PCNX1: variants seen among roughly 807,000 people sequenced by gnomAD.
PCNX1 encodes the protein pecanex 1.
A neutral mutation model predicts 242.2 loss-of-function variants in PCNX1; 78 were observed. The observed-to-expected ratio is 0.32, with a 90% CI of 0.27 to 0.39. The LOEUF (loss-of-function observed/expected upper bound fraction) is 0.39. Ranked by LOEUF, PCNX1 falls within the 10% of genes least tolerant of loss-of-function variation. The pLI is 1.00. For synonymous variants in PCNX1, 1,024 were observed against 1,032.9 expected, an observed-to-expected ratio of 0.99 and a Z score of 0.17; for missense variants, 2,581 against 2,856.5, an observed-to-expected ratio of 0.90 and a Z score of 2.20.
intron 28 of PCNX1, chr14:71,085,673 T>A (rs950497716): frequency 5.7e-6 from 1 of 176,212 alleles, no homozygotes; most frequent in African/African-American, 2.4e-5. Flanking sequence ...GATTAAAAAG[T>A]CTATAGGATT....
At chr14:71,015,680 C>T (rs1479065868) in intron 11 of PCNX1, among the ~76,000 whole-genome samples, 2 of 151,904 alleles carry the variant, frequency 1.3e-5, no homozygotes, top group East Asian at 3.9e-4. Flanking sequence ...AAGGCAATCA[C>T]TAAAATAACA....
intron 22 of PCNX1, chr14:71,049,207 T>TA (rs751897489): frequency 5.8e-5 from 28 of 484,540 alleles, no homozygotes; most frequent in Admixed American, 1.3e-4. Flanking sequence ...ATTTTCTTAA[T>TA]ACTTTTTATT....
At chr14:71,007,121 G>A (rs2059689838) in intron 8 of PCNX1, among the ~76,000 whole-genome samples, 2 of 151,718 alleles carry the variant, frequency 1.3e-5, no homozygotes, top group South Asian at 4.1e-4. Flanking sequence ...AATTTGGATA[G>A]AATCATTCAG....
chr14:71,097,639 G>A (rs139469606), intron 30 of PCNX1, among the ~76,000 whole-genome samples: 133 of 152,198 alleles, frequency 8.7e-4, no homozygotes, highest in Non-Finnish European at 1.5e-3. Flanking sequence ...TAATGGGGTT[G>A]TTTTTTGCTT....
intron 28 of PCNX1, 107 bp from the exon 29 acceptor site, chr14:71,088,222 AT>A: frequency 1.7e-6 from 1 of 571,898 alleles, no homozygotes; most frequent in Non-Finnish European, 3.1e-6. Flanking sequence ...GGAGATAGAA[AT>A]TATGTACTCT....
In PCNX1 at chr14:70,923,852, T is replaced by C. The variant is rs530632018; in HGVS notation, c.153+15849T>C. 5.9e-5 allele frequency among the ~76,000 whole-genome samples: 9 copies of C among 152,338 alleles called. No individual in the cohort carries two copies. In the East Asian group the frequency reaches 1.3e-3, roughly 23 times the overall value. On this transcript the variant is annotated intron_variant, in intron 1 of 35. Transcript: ENST00000304743. Reference sequence around the variant, plus strand: ...GCAGTAAATAATTTGCACAGTCATTTCACATGTGTCCAGGTACATTATTAA... The same window carrying C: ...GCAGTAAATAATTTGCACAGTCATTCCACATGTGTCCAGGTACATTATTAA...
Position 70,941,935 on chromosome 14 carries a change from G to A in PCNX1, c.154-4980G>A, listed in dbSNP as rs138083589. On this transcript the variant is annotated intron_variant, in intron 1 of 35. Coordinates refer to ENST00000304743, the MANE Select transcript of PCNX1 (RefSeq NM_014982.3). The stretch of plus-strand genomic sequence containing the variant: ...GGGCGTGGGACCCTCCGAACAAGGC[G>A]TGGGATATAATCTCCTGGTGTGTTG... Among the ~76,000 whole-genome samples, 380 of 152,352 alleles carry A rather than the reference G, an allele frequency of 2.5e-3. 1 individual carries two copies. Among genetic ancestry groups the A allele is most frequent in the African/African-American group, 8.6e-3 (357 of 41,580 alleles).
intron 18 of PCNX1, among the ~76,000 whole-genome samples, chr14:71,035,767 G>C (rs1043384574): frequency 6.6e-6 from 1 of 151,978 alleles, no homozygotes; most frequent in Non-Finnish European, 1.5e-5. Flanking sequence ...ATATTAGCTG[G>C]GTATGGTGGG....
At chr14:70,952,192 T>C (rs2057809887) in intron 2 of PCNX1, among the ~76,000 whole-genome samples, 1 of 152,184 alleles carries the variant, frequency 6.6e-6, no homozygotes, top group African/African-American at 2.4e-5. Context: ...CACTTGATAA[T>C]TGTTCTAATT....
intron 1 of PCNX1, among the ~76,000 whole-genome samples, chr14:70,920,068 T>C (rs924661136): frequency 5.9e-5 from 9 of 152,136 alleles, no homozygotes; most frequent in African/African-American, 2.2e-4. Context: ...CACTCCTTGT[T>C]TGAGTGTTGT....
intron 24 of PCNX1, among the ~76,000 whole-genome samples, chr14:71,053,565 G>A (rs532487815): frequency 3.9e-5 from 6 of 152,224 alleles, no homozygotes; most frequent in Admixed American, 1.3e-4. Flanking sequence ...TGATCCACCC[G>A]CTTCGGCCTC....
intron 6 of PCNX1, among the ~76,000 whole-genome samples, 156 bp downstream of exon 6, chr14:70,978,804 T>C (rs2140135161): frequency 6.6e-6 from 1 of 152,310 alleles, no homozygotes; most frequent in Non-Finnish European, 1.5e-5. Flanking sequence ...GTGATTATCT[T>C]AGAAAAGGTT....
chr14:71,070,279 G>A (rs2061556298), intron 26 of PCNX1, among the ~76,000 whole-genome samples: 1 of 152,118 alleles, frequency 6.6e-6, no homozygotes. Context: ...AGTCATCCAT[G>A]AATCAACTTA....
chr14:71,025,735 G>A (rs957999377), intron 13 of PCNX1, among the ~76,000 whole-genome samples: 6 of 152,098 alleles, frequency 3.9e-5, no homozygotes, highest in African/African-American at 1.2e-4. Flanking sequence ...CAGGTGCAGC[G>A]ATGTGCGCCT....
intron 1 of PCNX1, among the ~76,000 whole-genome samples, chr14:70,933,432 AAAG>A (rs1358407185): frequency 1.3e-5 from 2 of 152,232 alleles, no homozygotes; most frequent in East Asian, 1.9e-4. Flanking sequence ...TAATGCTTGA[AAAG>A]AAATTCAAAA....
chr14:70,949,456 A>G (rs770138785), intron 2 of PCNX1, among the ~76,000 whole-genome samples: 4 of 151,828 alleles, frequency 2.6e-5, no homozygotes, highest in Non-Finnish European at 2.9e-5. Flanking sequence ...TGTATAATAT[A>G]CACATACGCA....
At position 71,019,168 on chromosome 14, in the gene PCNX1, A is replaced by G; in HGVS notation, c.3150+6A>G. 1 of 1,595,860 alleles carries G rather than the reference A, an allele frequency of 6.3e-7. No homozygotes were observed. The highest frequency in any genetic ancestry group is 8.5e-7 in the Non-Finnish European group (1 of 1,172,560). On this transcript the variant is annotated splice_donor_region_variant and intron_variant, in intron 12 of 35. Transcript: ENST00000304743. The stretch of plus-strand genomic sequence containing the variant: ...GTCAATACTCACTGCTTAAGGTACC[A>G]GCATCTCTTCTTTTCATGCTACGGA...
intron 7 of PCNX1, among the ~76,000 whole-genome samples, chr14:70,989,473 T>C (rs1595154382): frequency 6.6e-6 from 1 of 151,382 alleles, no homozygotes; most frequent in East Asian, 1.9e-4. Context: ...ATTAGAAATA[T>C]AAAAATCTAT....
Position 70,963,084 on chromosome 14 carries a change from AC to A in PCNX1, c.468+755del, listed in dbSNP as rs2058271442. 2.0e-5 allele frequency among the ~76,000 whole-genome samples: 3 copies of A among 152,296 alleles called. No individual in the cohort carries two copies. The South Asian group carries it at 6.2e-4, about 32-fold the overall frequency. ...TGATTTATATCAGGGTCTGGACTAG[AC>A]CGCACTTCTCACTCCAGTCTTCTTG... is the stretch of plus-strand genomic sequence containing the variant. On this transcript the variant is annotated intron_variant, in intron 3 of 35. Coordinates refer to ENST00000304743, the MANE Select transcript of PCNX1 (RefSeq NM_014982.3).
Sources: allele counts gnomAD v4.1 joint callset (sites outside exome capture counted in the v4.1 genomes callset), GRCh38; gene constraint gnomAD v4.1.1; transcripts MANE v1.5; gene names NCBI Gene and HGNC (gene_info 2026-07-23, HGNC 2026-07-21).